Variants in ZBTB46 observed in about 807,000 individuals in gnomAD.
The protein encoded by ZBTB46 is zinc finger and BTB domain-containing protein 46.
Under a neutral mutation model 44.1 loss-of-function variants are expected in ZBTB46, and 8 were observed. The observed-to-expected ratio is 0.18, with a 90% CI of 0.11 to 0.33. ZBTB46 has a LOEUF of 0.33. ZBTB46 is among the 10% of genes least tolerant of loss of function. ZBTB46 has a pLI of 1.00. For synonymous variants in ZBTB46, 409 were observed against 382.3 expected (o/e 1.07, Z -0.81); for missense variants, 651 against 847.7 (o/e 0.77, Z 2.88).
rs1029006750 is a variant in ZBTB46 at position 63,752,288 on chromosome 20, T to C, written c.1398+398A>G. 2.0e-5 allele frequency among the ~76,000 whole-genome samples: 3 copies of C among 148,096 alleles called. No homozygotes were observed. The highest frequency in any genetic ancestry group is 7.3e-5 in the African/African-American group (3 of 40,898). On this transcript the variant is annotated intron_variant, in intron 4 of 4. Coordinates refer to ENST00000245663, the MANE Select transcript of ZBTB46 (RefSeq NM_001369741.1). The surrounding 1 kb of genome is among the most constrained non-coding windows in gnomAD (Gnocchi z 5.6). ...TGACAACGACCTGCCAGTGCTGAGC[T>C]CCAGGGTGGGCGCGGTGGGTGCAGA... is the stretch of plus-strand genomic sequence containing the variant.
intron 1 of ZBTB46, among the ~76,000 whole-genome samples, chr20:63,819,152 G>A (rs563103042): frequency 1.2e-4 from 18 of 152,290 alleles, no homozygotes; most frequent in African/African-American, 3.4e-4. Context: ...CAGCCTGGGC[G>A]ACAGAGTGAG....
chr20:63,799,643 T>C (rs560745300), intron 1 of ZBTB46, among the ~76,000 whole-genome samples: 26 of 152,296 alleles, frequency 1.7e-4, no homozygotes, highest in East Asian at 1.5e-3. Context: ...CCACCACGTG[T>C]AGCCTGGTGA....
intron 3 of ZBTB46, among the ~76,000 whole-genome samples, chr20:63,764,559 G>T (rs2092302573): frequency 6.6e-6 from 1 of 151,850 alleles, no homozygotes; most frequent in Non-Finnish European, 1.5e-5. Flanking sequence ...TTCTGGGAAA[G>T]TCAGCCATCA....
intron 1 of ZBTB46, among the ~76,000 whole-genome samples, chr20:63,802,078 A>G (rs1259337369): frequency 2.0e-5 from 3 of 152,104 alleles, no homozygotes; most frequent in African/African-American, 7.2e-5. Context: ...CTCATATTTC[A>G]GAATTCCACC....
Position 63,791,119 on chromosome 20 carries a change from T to C in ZBTB46, c.-33-329A>G, listed in dbSNP as rs529908810. 8.5e-5 allele frequency among the ~76,000 whole-genome samples: 13 copies of C among 152,302 alleles called. No individual in the cohort carries two copies. The East Asian group carries it at 2.5e-3, about 29-fold the overall frequency. ...GAACACCCAGCCGTGGCTGAGCAAC[T>C]CTTACCCAAACTGAGAACTCGGTTA... On this transcript the variant is annotated intron_variant, in intron 1 of 4. Transcript: ENST00000245663.
At chr20:63,813,129 A>G (rs934369792) in intron 1 of ZBTB46, among the ~76,000 whole-genome samples, 7 of 152,050 alleles carry the variant, frequency 4.6e-5, no homozygotes, top group African/African-American at 1.4e-4. Context: ...AGGCATCAAA[A>G]TATGAAACAA....
chr20:63,764,987 C>A (rs977990023), intron 3 of ZBTB46, among the ~76,000 whole-genome samples: 4 of 151,806 alleles, frequency 2.6e-5, no homozygotes, highest in Admixed American at 2.6e-4. Flanking sequence ...GGCGCGGTCT[C>A]GGCTCACTGC....
At position 63,772,499 on chromosome 20, in the gene ZBTB46, G is replaced by A. The variant is rs560235430; in HGVS notation, c.1222+3179C>T. Among the ~76,000 whole-genome samples, 102 of 151,842 alleles carry A rather than the reference G, an allele frequency of 6.7e-4. 1 individual carries two copies. The South Asian group carries it at 0.011, about 16-fold the overall frequency. ...TTTGGGAGGCTGAGGCAGGCAGATC[G>A]CCTGAGCTCAGGAGTTCGAGACCAG... On this transcript the variant is annotated intron_variant, in intron 3 of 4. Coordinates refer to ENST00000245663, the MANE Select transcript of ZBTB46 (RefSeq NM_001369741.1).
rs2092174955 is a variant in ZBTB46, at chr20:63,752,255, C to G, written c.1398+431G>C. Among the ~76,000 whole-genome samples, 1 of 152,124 alleles carries G rather than the reference C, an allele frequency of 6.6e-6. No individual in the cohort carries two copies. Among genetic ancestry groups the G allele is most frequent in the Admixed American group, 6.5e-5 (1 of 15,280 alleles). The stretch of plus-strand genomic sequence containing the variant: ...CCAAGCAAATCCATCCACTCCACAC[C>G]TGCTACCTGACAACGACCTGCCAGT... On this transcript the variant is annotated intron_variant, in intron 4 of 4. Transcript: ENST00000245663. The surrounding 1 kb of genome is among the most constrained non-coding windows in gnomAD (Gnocchi z 5.6).
intron 3 of ZBTB46, among the ~76,000 whole-genome samples, chr20:63,758,438 C>T (rs920811626): frequency 6.6e-6 from 1 of 151,952 alleles, no homozygotes; most frequent in African/African-American, 2.4e-5. Context: ...CCTGACTGAC[C>T]CTGGTGCTTC....
chr20:63,772,001 C>CTTTTT (rs11473575), intron 3 of ZBTB46, among the ~76,000 whole-genome samples: 4 of 138,844 alleles, frequency 2.9e-5, no homozygotes, highest in African/African-American at 2.7e-5. Flanking sequence ...AGGGCAAATT[C>CTTTTT]TTTTTTTTTT....
At chr20:63,804,079 C>T (rs538342061) in intron 1 of ZBTB46, among the ~76,000 whole-genome samples, 11 of 152,270 alleles carry the variant, frequency 7.2e-5, no homozygotes, top group African/African-American at 2.6e-4. Flanking sequence ...CTGCCCTGCG[C>T]TGTCCCATCT....
At chr20:63,762,674 AAAC>A (rs1317193908) in intron 3 of ZBTB46, among the ~76,000 whole-genome samples, 2 of 105,840 alleles carry the variant, frequency 1.9e-5, no homozygotes, top group Non-Finnish European at 3.9e-5. Context: ...ACAAACAAAC[AAAC>A]AAAAAAAAAA....
Position 63,755,328 on chromosome 20 carries a change from C to T in ZBTB46, c.1223-2467G>A, listed in dbSNP as rs572714392. ...AAGGTCAGAGATCAAGGCATCAGCA[C>T]GGGCTGGCTCTCTCCAGTAGCTCCG... On this transcript the variant is annotated intron_variant, in intron 3 of 4. Coordinates refer to ENST00000245663, the MANE Select transcript of ZBTB46 (RefSeq NM_001369741.1). Among the ~76,000 whole-genome samples, 178 of 152,390 alleles carry T rather than the reference C, an allele frequency of 1.2e-3. 1 individual carries two copies. Among genetic ancestry groups the T allele is most frequent in the Non-Finnish European group, 2.1e-3 (141 of 68,042 alleles).
intron 2 of ZBTB46, among the ~76,000 whole-genome samples, chr20:63,781,274 G>A (rs2092468203): frequency 6.6e-6 from 1 of 152,094 alleles, no homozygotes; most frequent in African/African-American, 2.4e-5. Flanking sequence ...AATAAAAGAT[G>A]GGCAGAAGAT....
At chr20:63,807,003 C>T (rs899140120) in intron 1 of ZBTB46, among the ~76,000 whole-genome samples, 3 of 152,202 alleles carry the variant, frequency 2.0e-5, no homozygotes, top group Non-Finnish European at 2.9e-5. Flanking sequence ...AGGATAGTCG[C>T]GATCTCCTGA....
In ZBTB46 at chr20:63,746,924, GC is replaced by G; in HGVS notation, c.*5del. On this transcript the variant is annotated 3_prime_UTR_variant, in exon 5 of 5. Coordinates refer to ENST00000245663, the MANE Select transcript of ZBTB46 (RefSeq NM_001369741.1). Reference sequence around the variant, plus strand: ...AGGCAGCCACCGACCCTGCCGGCGGGCGGGCCTAGGAGAGCCAGGCGAAGTC... The same window carrying G: ...AGGCAGCCACCGACCCTGCCGGCGGGGGGCCTAGGAGAGCCAGGCGAAGTC... The G allele has an allele frequency of 6.6e-7, 1 of 1,519,710 alleles. No homozygotes were observed. The highest frequency in any genetic ancestry group is 8.8e-7 in the Non-Finnish European group (1 of 1,135,124). The allele number at this position is 1,519,710 out of a possible 1,614,324, so 94.1% of individuals were successfully genotyped here.
chr20:63,826,990 G>C (rs879323880), intron 1 of ZBTB46, among the ~76,000 whole-genome samples: 1 of 152,152 alleles, frequency 6.6e-6, no homozygotes, highest in Non-Finnish European at 1.5e-5. Flanking sequence ...GTCTGGAACC[G>C]TGCGGGTGGA....
rs2092333739 is a variant in ZBTB46, at chr20:63,767,865, C to G, written c.1222+7813G>C. 1.0e-6 allele frequency: 1 copy of G among 984,896 alleles called. No homozygotes were observed. Among genetic ancestry groups the G allele is most frequent in the Non-Finnish European group, 1.2e-6 (1 of 829,534 alleles). 61.0% of individuals were successfully genotyped at this position (984,896 alleles called of 1,614,324 possible). ...CATCCAGGCCTGGGCTGGAAGAAGA[C>G]TCCTCAGGCATCCTGGACAGGCCAC... is the stretch of plus-strand genomic sequence containing the variant. On this transcript the variant is annotated intron_variant, in intron 3 of 4. Transcript: ENST00000245663. This position sits in a 1 kb window ranked among gnomAD's most constrained non-coding sequence, Gnocchi z 5.0.
Sources: gnomAD v4.1 joint callset for allele counts (sites outside exome capture counted in the v4.1 genomes callset) on GRCh38, gnomAD v4.1.1 for gene constraint, Gnocchi (gnomAD v3.1) non-coding constraint, MANE v1.5 for transcripts, NCBI Gene and HGNC (gene_info 2026-07-23, HGNC 2026-07-21) for gene names.